GLRA3: variants seen among roughly 807,000 people sequenced by gnomAD.
GLRA3 encodes glycine receptor subunit alpha-3.
GLRA3 carries 44 observed loss-of-function variants against 60.4 expected under a neutral mutation model. That is an observed-to-expected ratio of 0.73 (90% CI 0.57 to 0.94). The LOEUF (loss-of-function observed/expected upper bound fraction) is 0.94. Among genes scored for constraint, GLRA3 ranks in the 40% least tolerant of loss-of-function variants. The probability of loss-of-function intolerance (pLI) is 0.00; values close to 1 mark genes in which losing one functional copy is unlikely to be tolerated. For missense variants in GLRA3, 508 were observed against 564.6 expected, an observed-to-expected ratio of 0.90 and a Z score of 1.02; for synonymous variants, 223 against 192.9, an observed-to-expected ratio of 1.16 and a Z score of -1.29.
At chr4:174,767,058 T>C in intron 2 of GLRA3, 28 bp from the exon 3 acceptor site, 3 of 1,274,332 alleles carry the variant, frequency 2.4e-6, no homozygotes, top group Non-Finnish European at 3.4e-6. Flanking sequence ...ACATAAGGGC[T>C]GTTTAGAGAC....
chr4:174,794,624 AG>A (rs1739487277), intron 1 of GLRA3, among the ~76,000 whole-genome samples: 1 of 152,210 alleles, frequency 6.6e-6, no homozygotes, highest in East Asian at 1.9e-4. Flanking sequence ...AAAGCAAGAT[AG>A]TTATTGTTTA....
At chr4:174,682,372 C>T (rs984055371) in intron 6 of GLRA3, among the ~76,000 whole-genome samples, 2 of 151,904 alleles carry the variant, frequency 1.3e-5, no homozygotes. Flanking sequence ...CACTGAAATG[C>T]ACGAAAATAT....
In GLRA3 at chr4:174,643,679, A is replaced by G; in HGVS notation, c.*107T>C. 1 of 1,439,280 alleles carries G rather than the reference A, an allele frequency of 6.9e-7. No individual in the cohort carries two copies. The highest frequency in any genetic ancestry group is 1.7e-5 in the South Asian group (1 of 58,296). 89.2% of individuals were successfully genotyped at this position (1,439,280 alleles called of 1,614,324 possible). A position where few individuals can be genotyped will look rare whatever the true frequency, so the allele number is the denominator to read the frequency against. On this transcript the variant is annotated 3_prime_UTR_variant, in exon 10 of 10. Transcript: ENST00000274093. ...AAGCTTTTCCATATGCCATTTTAAT[A>G]CAATGGTCATCATTTGTATACCACA... is the stretch of plus-strand genomic sequence containing the variant.
rs1480211568 is a variant in GLRA3, at chr4:174,753,662, GA to G, written c.267+13300del. On this transcript the variant is annotated intron_variant, in intron 3 of 9. Coordinates refer to ENST00000274093, the MANE Select transcript of GLRA3 (RefSeq NM_006529.4). ...TCTATGTTATGAGAGGTGGCCAAGA[GA>G]AGTGTTTAATTGATCTCTACGATAC... Among the ~76,000 whole-genome samples, 4 of 152,160 alleles carry G rather than the reference GA, an allele frequency of 2.6e-5. No individual in the cohort carries two copies. In the East Asian group the frequency reaches 7.7e-4, roughly 29 times the overall value.
At chr4:174,657,412 T>C (rs1733252998) in intron 8 of GLRA3, among the ~76,000 whole-genome samples, 1 of 152,084 alleles carries the variant, frequency 6.6e-6, no homozygotes, top group South Asian at 2.1e-4. Context: ...CTAAATTGTA[T>C]AAGGAGAAGG....
rs760554975 is a variant in GLRA3, at chr4:174,659,056, T to C, written c.1069A>G (p.Lys357Glu). ...LLRFRRKRKN[K>E]TEAFALEKFY... ...ACCCAATACGTTTAATCACTTACCT[T>C]ATTCTTTCTCTTTCGTCGAAATCTC... The change falls in exon 8 of 10, where the codon AAG becomes GAG. Residue 357 changes from lysine (K) to glutamate (E), a missense_variant and splice_region_variant. Physicochemically the swap from Lys to Glu is moderately conservative, Grantham distance 56 (BLOSUM62 1). This residue lies in a region of GLRA3 where 176 missense variants were observed against 197.9 expected (regional missense o/e 0.89). Coordinates refer to ENST00000274093, the MANE Select transcript of GLRA3 (RefSeq NM_006529.4). 6.2e-7 allele frequency: 1 copy of C among 1,612,062 alleles called. No homozygotes were observed. The highest frequency in any genetic ancestry group is 2.2e-5 in the East Asian group (1 of 44,750).
chr4:174,702,757 A>G (rs1189434143), intron 5 of GLRA3, among the ~76,000 whole-genome samples: 10 of 152,132 alleles, frequency 6.6e-5, no homozygotes, highest in Admixed American at 2.0e-4. Flanking sequence ...TTGTAGATAC[A>G]TGGTCTCACT....
chr4:174,674,243 C>G (rs1381183074), intron 7 of GLRA3, among the ~76,000 whole-genome samples: 1 of 152,126 alleles, frequency 6.6e-6, no homozygotes, highest in African/African-American at 2.4e-5. Context: ...TTGATAGGCC[C>G]CATGATCATT....
chr4:174,745,735 C>T (rs1159921627), intron 3 of GLRA3, among the ~76,000 whole-genome samples: 1 of 151,574 alleles, frequency 6.6e-6, no homozygotes, highest in African/African-American at 2.4e-5. Context: ...GCAAGTTACT[C>T]ATCTGACAGG....
intron 9 of GLRA3, 132 bp from the exon 10 acceptor site, chr4:174,644,196 T>C (rs1732725446): frequency 1.6e-6 from 1 of 627,366 alleles, no homozygotes; most frequent in South Asian, 2.3e-5. Flanking sequence ...CCGAAGCATA[T>C]AAAGATGAAT....
intron 1 of GLRA3, among the ~76,000 whole-genome samples, chr4:174,823,473 C>G (rs1045445733): frequency 6.6e-6 from 1 of 151,816 alleles, no homozygotes; most frequent in East Asian, 1.9e-4. Flanking sequence ...TGCAGTGAGC[C>G]GAGATTGCAC....
At chr4:174,792,148 T>C (rs1370924839) in intron 1 of GLRA3, among the ~76,000 whole-genome samples, 1 of 152,140 alleles carries the variant, frequency 6.6e-6, no homozygotes, top group Non-Finnish European at 1.5e-5. Flanking sequence ...TTTCAGGTCT[T>C]TCCTGAGCAT....
intron 1 of GLRA3, among the ~76,000 whole-genome samples, chr4:174,810,618 T>A (rs1178191758): frequency 6.6e-6 from 1 of 152,140 alleles, no homozygotes; most frequent in Non-Finnish European, 1.5e-5. Context: ...TGGATTTTTA[T>A]ATTGAAGACA....
chr4:174,640,566 A>G lies in GLRA3; in HGVS notation c.*3220T>C, dbSNP rs1484237214. 2.0e-5 allele frequency: 3 copies of G among 152,090 alleles called. No homozygotes were observed. The highest frequency in any genetic ancestry group is 6.6e-5 in the Admixed American group (1 of 15,248). 9.4% of individuals were successfully genotyped at this position (152,090 alleles called of 1,614,324 possible). A position where few individuals can be genotyped will look rare whatever the true frequency, so the allele number is the denominator to read the frequency against. On this transcript the variant is annotated 3_prime_UTR_variant, in exon 10 of 10. Transcript: ENST00000274093. ...GAAGATACATCTAAATCTTTTTTCA[A>G]ATATTATAACTACTTAAGTTGCACT...
chr4:174,651,805 T>G (rs1733028973), intron 9 of GLRA3, among the ~76,000 whole-genome samples: 1 of 152,190 alleles, frequency 6.6e-6, no homozygotes, highest in African/African-American at 2.4e-5. Context: ...CCAAAGAGTC[T>G]TTGTGTTTTA....
rs892696155 is a variant in GLRA3, at chr4:174,726,847, G to A, written c.491+1628C>T. Among the ~76,000 whole-genome samples, 61 of 152,016 alleles carry A rather than the reference G, an allele frequency of 4.0e-4. 1 individual carries two copies. Among genetic ancestry groups the A allele is most frequent in the Admixed American group, 3.6e-3 (55 of 15,236 alleles). On this transcript the variant is annotated intron_variant, in intron 4 of 9. Transcript: ENST00000274093. The stretch of plus-strand genomic sequence containing the variant: ...ATCTTTTGATATTTAGTGGTGGGGC[G>A]GGGTTGGGGGAGGGGTGGACTTTTG...
chr4:174,645,776 A>G (rs973348568), intron 9 of GLRA3, among the ~76,000 whole-genome samples: 1 of 152,184 alleles, frequency 6.6e-6, no homozygotes, highest in Admixed American at 6.5e-5. Flanking sequence ...ACTACTCTTT[A>G]ACAAGCATGT....
chr4:174,773,028 C>T (rs138412885), intron 2 of GLRA3, among the ~76,000 whole-genome samples: 1,760 of 152,258 alleles, frequency 0.012, 19 homozygotes, highest in Middle Eastern at 0.024. Context: ...AATAGACATT[C>T]AAAAATTGTG....
chr4:174,700,424 G>A (rs1040043192), intron 5 of GLRA3, among the ~76,000 whole-genome samples: 1 of 152,146 alleles, frequency 6.6e-6, no homozygotes, highest in Non-Finnish European at 1.5e-5. Context: ...TCTGTGGTCA[G>A]TGATATTTGA....
Sources: gnomAD v4.1 joint callset for allele counts (sites outside exome capture counted in the v4.1 genomes callset) on GRCh38, gnomAD v4.1.1 for gene constraint, gnomAD v4.1.1 regional missense constraint, MANE v1.5 for transcripts, NCBI Gene and HGNC (gene_info 2026-07-23, HGNC 2026-07-21) for gene names.